The following ROPN1L variants were observed in gnomAD, a reference collection of about 807,000 sequenced individuals.
ROPN1L encodes the protein ropporin-1-like protein.
ROPN1L carries 23 observed loss-of-function variants against 22.7 expected under a neutral mutation model. That is an observed-to-expected ratio of 1.01 (90% confidence interval 0.73 to 1.43). The LOEUF (loss-of-function observed/expected upper bound fraction) is 1.43, where lower values mean the gene tolerates loss of function less well. ROPN1L is among the 40% of genes most tolerant of loss of function. The pLI is 0.00. For missense variants in ROPN1L, 271 were observed against 291.5 expected (o/e 0.93, Z 0.51); for synonymous variants, 116 against 117.8 (o/e 0.98, Z 0.10).
At chr5:10,462,813 G>T (rs753831536) in intron 4 of ROPN1L, among the ~76,000 whole-genome samples, 1 of 152,072 alleles carries the variant, frequency 6.6e-6, no homozygotes, top group Non-Finnish European at 1.5e-5. Flanking sequence ...CTTGAGCCCT[G>T]GGGGGGCAGA....
At chr5:10,457,228 A>G (rs1055234187) in intron 3 of ROPN1L, among the ~76,000 whole-genome samples, 4 of 152,110 alleles carry the variant, frequency 2.6e-5, no homozygotes, top group African/African-American at 9.7e-5. Flanking sequence ...CGTGCCGTCC[A>G]CCTCGGCAGC....
Position 10,470,878 on chromosome 5 carries a change from C to T in ROPN1L, n.886-932C>T, listed in dbSNP as rs568333670. ...TACCCAGCACCTGCTAAGGGCTGGCCCCCCTGCCACGTACGGGTTTTGCAG... is the reference window on the plus strand; with the variant it reads ...TACCCAGCACCTGCTAAGGGCTGGCTCCCCTGCCACGTACGGGTTTTGCAG... On this transcript the variant is annotated intron_variant and non_coding_transcript_variant, in intron 4 of 4. Transcript: ENST00000510520. Among the ~76,000 whole-genome samples the T allele has an allele frequency of 2.6e-5, 4 of 152,332 alleles. No individual in the cohort carries two copies. In the South Asian group the frequency reaches 6.2e-4, roughly 24 times the overall value.
chr5:10,481,172 G>A, the ROPN1L span, among the ~76,000 whole-genome samples: 2 of 152,180 alleles, frequency 1.3e-5, no homozygotes, highest in South Asian at 2.1e-4. Flanking sequence ...TCACAGCACA[G>A]CAAGCAGCAT....
intron 3 of ROPN1L, among the ~76,000 whole-genome samples, chr5:10,456,990 T>G (rs1228616339): frequency 6.6e-6 from 1 of 152,198 alleles, no homozygotes; most frequent in Non-Finnish European, 1.5e-5. Flanking sequence ...GTGTCCAGTG[T>G]AAAAGCAAAT....
intron 3 of ROPN1L, among the ~76,000 whole-genome samples, chr5:10,456,899 A>G (rs1171199285): frequency 6.6e-6 from 1 of 152,164 alleles, no homozygotes; most frequent in Non-Finnish European, 1.5e-5. Flanking sequence ...TGCCTGCTCC[A>G]TCCACGCCAA....
chr5:10,450,527 T>C (rs975337928), intron 3 of ROPN1L, among the ~76,000 whole-genome samples: 4 of 152,146 alleles, frequency 2.6e-5, no homozygotes, highest in African/African-American at 9.7e-5. Context: ...AGATGGAGTT[T>C]TGCTGTTGTT....
downstream of ROPN1L, among the ~76,000 whole-genome samples, chr5:10,473,387 T>C (rs768257794): frequency 6.6e-6 from 1 of 152,102 alleles, no homozygotes; most frequent in African/African-American, 2.4e-5. Flanking sequence ...GAGAACACCA[T>C]GTGAAGACAG....
intron 3 of ROPN1L, among the ~76,000 whole-genome samples, chr5:10,451,046 C>A (rs1279161677): frequency 2.0e-5 from 3 of 152,142 alleles, no homozygotes; most frequent in African/African-American, 7.2e-5. Context: ...GGAAGAGTAA[C>A]CAGGCATCTG....
chr5:10,474,697 A>C (rs1411947864), downstream of ROPN1L, among the ~76,000 whole-genome samples: 1 of 152,252 alleles, frequency 6.6e-6, no homozygotes, highest in African/African-American at 2.4e-5. Flanking sequence ...CCCATGGAGA[A>C]GGTCAGATGA....
intron 2 of ROPN1L, among the ~76,000 whole-genome samples, chr5:10,449,662 CAG>C (rs1454010549): frequency 7.2e-5 from 11 of 152,260 alleles, no homozygotes; most frequent in African/African-American, 2.4e-4. Flanking sequence ...GCATTTCAGA[CAG>C]ATAGTGGAGT....
At chr5:10,458,922 C>A (rs1158282588) in intron 3 of ROPN1L, among the ~76,000 whole-genome samples, 1 of 94,520 alleles carries the variant, frequency 1.1e-5, no homozygotes, top group Non-Finnish European at 2.3e-5. Flanking sequence ...TGCCCCATCC[C>A]CCCACCGTGT....
At chr5:10,453,879 C>T (rs1741333413) in intron 3 of ROPN1L, among the ~76,000 whole-genome samples, 1 of 151,846 alleles carries the variant, frequency 6.6e-6, no homozygotes, top group South Asian at 2.1e-4. Context: ...CTGGAGTGAA[C>T]AAAACGGGCA....
At chr5:10,447,701 A>G (rs1045983091) in intron 1 of ROPN1L, among the ~76,000 whole-genome samples, 1 of 152,182 alleles carries the variant, frequency 6.6e-6, no homozygotes, top group Admixed American at 6.5e-5. Context: ...ATGGAACAAG[A>G]CCACATCTCT....
intron 3 of ROPN1L, 99 bp downstream of exon 3, chr5:10,450,212 CTT>C (rs1458252175): frequency 6.1e-6 from 6 of 980,716 alleles, no homozygotes; most frequent in Middle Eastern, 5.4e-4. Flanking sequence ...ACTTTAGTAA[CTT>C]TGTCTTAGAA....
At chr5:10,476,947 G>A (rs934880937), downstream of ROPN1L, among the ~76,000 whole-genome samples, 1 of 152,222 alleles carries the variant, frequency 6.6e-6, no homozygotes, top group Non-Finnish European at 1.5e-5. Context: ...TCAGAGACCT[G>A]CAACCCTTTT....
In ROPN1L at chr5:10,452,108, G is replaced by A. The variant is rs575598618; in HGVS notation, c.417+1995G>A. Reference sequence around the variant, plus strand: ...TGATTCTCCTGCCTCAGCCTCCCGAGTAGCTGGGATTACAGGCATGCACCA... The same window carrying A: ...TGATTCTCCTGCCTCAGCCTCCCGAATAGCTGGGATTACAGGCATGCACCA... On this transcript the variant is annotated intron_variant, in intron 3 of 4. Transcript: ENST00000274134. Among the ~76,000 whole-genome samples, 23 of 152,148 alleles carry A rather than the reference G, an allele frequency of 1.5e-4. 1 individual carries two copies. In the South Asian group the frequency reaches 2.9e-3, roughly 19 times the overall value.
At chr5:10,459,794 C>A (rs17815577) in intron 3 of ROPN1L, among the ~76,000 whole-genome samples, 2,110 of 152,324 alleles carry the variant, frequency 0.014, 23 homozygotes, top group South Asian at 0.056. Context: ...TTCCAGAGCA[C>A]CCTAGAATCC....
intron 3 of ROPN1L, among the ~76,000 whole-genome samples, chr5:10,455,051 C>T (rs764137332): frequency 1.2e-4 from 18 of 152,224 alleles, no homozygotes; most frequent in Admixed American, 4.6e-4. Flanking sequence ...ATTTTGTGTC[C>T]TGAAGTGATT....
At chr5:10,450,486 A>G (rs1000401989) in intron 3 of ROPN1L, among the ~76,000 whole-genome samples, 1 of 151,876 alleles carries the variant, frequency 6.6e-6, no homozygotes, top group Non-Finnish European at 1.5e-5. Context: ...GTAGAAATCT[A>G]TTATTATTAT....
Sources: gnomAD v4.1 joint callset for allele counts (sites outside exome capture counted in the v4.1 genomes callset) on GRCh38, gnomAD v4.1.1 for gene constraint, MANE v1.5 for transcripts, NCBI Gene and HGNC (gene_info 2026-07-23, HGNC 2026-07-21) for gene names.